Variants in KIF13A observed in about 807,000 individuals in gnomAD.
KIF13A encodes the protein kinesin-like protein KIF13A.
Under a neutral mutation model 212.2 loss-of-function variants are expected in KIF13A, and 79 were observed. The observed-to-expected ratio is 0.37, with a 90% CI of 0.31 to 0.45. KIF13A has a LOEUF of 0.45. Among genes scored for constraint, KIF13A ranks in the 20% least tolerant of loss-of-function variants. The pLI is 1.00. For synonymous variants in KIF13A, 789 were observed against 808.6 expected, an observed-to-expected ratio of 0.98 and a Z score of 0.41; for missense variants, 1,901 against 2,209.0, an observed-to-expected ratio of 0.86 and a Z score of 2.79.
chr6:17,864,771 A>C (rs1342634184), intron 4 of KIF13A, among the ~76,000 whole-genome samples: 1 of 152,204 alleles, frequency 6.6e-6, no homozygotes, highest in Non-Finnish European at 1.5e-5. Flanking sequence ...TGCTGGAATT[A>C]TAGTCATTGT....
At position 17,855,359 on chromosome 6, in the gene KIF13A, T is replaced by C; in HGVS notation, c.494+78A>G. 8.9e-7 allele frequency: 1 copy of C among 1,117,772 alleles called. No individual in the cohort carries two copies. The highest frequency in any genetic ancestry group is 1.3e-6 in the Non-Finnish European group (1 of 777,422). The allele number at this position is 1,117,772 out of a possible 1,614,324, so 69.2% of individuals were successfully genotyped here. On this transcript the variant is annotated intron_variant, in intron 6 of 38. Coordinates refer to ENST00000259711, the MANE Select transcript of KIF13A (RefSeq NM_022113.6). The surrounding 1 kb of genome is among the most constrained non-coding windows in gnomAD (Gnocchi z 4.1). ...TCACCAAGAGCTTAAATACGTATATTCACTTCCAATTTTAACTTTAGAATC... is the reference window on the plus strand; with the variant it reads ...TCACCAAGAGCTTAAATACGTATATCCACTTCCAATTTTAACTTTAGAATC...
chr6:17,817,376 C>T (rs1764042497), intron 16 of KIF13A, 143 bp from the exon 17 acceptor site: 2 of 668,200 alleles, frequency 3.0e-6, no homozygotes, highest in Admixed American at 5.6e-5. Flanking sequence ...TGAGGGGCCA[C>T]ATCAGGGAAA....
In KIF13A at chr6:17,856,591, A is replaced by G. The variant is rs539436576; in HGVS notation, c.221-469T>C. ...AAAAACCGTTAGTTGCTGAGGATGG[A>G]TTGACAACTTCAGCTGCTGTTTGTA... On this transcript the variant is annotated intron_variant, in intron 4 of 38. Coordinates refer to ENST00000259711, the MANE Select transcript of KIF13A (RefSeq NM_022113.6). This position sits in a 1 kb window ranked among gnomAD's most constrained non-coding sequence, Gnocchi z 4.5. Among the ~76,000 whole-genome samples the G allele has an allele frequency of 5.9e-5, 9 of 152,286 alleles. No individual in the cohort carries two copies. In the East Asian group the frequency reaches 1.5e-3, roughly 26 times the overall value.
At chr6:17,868,568 G>C (rs759990087) in intron 4 of KIF13A, among the ~76,000 whole-genome samples, 4 of 148,454 alleles carry the variant, frequency 2.7e-5, no homozygotes, top group Non-Finnish European at 5.9e-5. Flanking sequence ...TTTTTCATTA[G>C]CCCTTACACA....
intron 2 of KIF13A, among the ~76,000 whole-genome samples, chr6:17,980,915 A>G (rs867028064): frequency 6.6e-6 from 1 of 152,144 alleles, no homozygotes; most frequent in Non-Finnish European, 1.5e-5. Context: ...GAGCAAATAA[A>G]AACCAAGCAT....
intron 13 of KIF13A, among the ~76,000 whole-genome samples, chr6:17,830,206 AG>A (rs1268278764): frequency 6.6e-6 from 1 of 152,208 alleles, no homozygotes; most frequent in Non-Finnish European, 1.5e-5. Flanking sequence ...AGAACCTTTC[AG>A]GAGGCCTATG....
chr6:17,937,132 G>A lies in KIF13A; in HGVS notation c.147-38952C>T, dbSNP rs140625408. Among the ~76,000 whole-genome samples the A allele has an allele frequency of 2.4e-4, 37 of 152,240 alleles. No individual in the cohort carries two copies. The East Asian group carries it at 5.0e-3, about 21-fold the overall frequency. Reference sequence around the variant, plus strand: ...AGTTGAGGCTGCAGTGAGCTCAACCGCAGTCACTGCACTCTAGCCTGGGCG... The same window carrying A: ...AGTTGAGGCTGCAGTGAGCTCAACCACAGTCACTGCACTCTAGCCTGGGCG... On this transcript the variant is annotated intron_variant, in intron 2 of 38. Coordinates refer to ENST00000259711, the MANE Select transcript of KIF13A (RefSeq NM_022113.6).
Position 17,951,262 on chromosome 6 carries a change from G to A in KIF13A, c.146+35792C>T, listed in dbSNP as rs1312404875. On this transcript the variant is annotated intron_variant, in intron 2 of 38. Coordinates refer to ENST00000259711, the MANE Select transcript of KIF13A (RefSeq NM_022113.6). The surrounding 1 kb of genome is among the most constrained non-coding windows in gnomAD (Gnocchi z 4.9). ...CCTGCCTCAGTCTCCTGAGTAGCTG[G>A]GACCACAGGTATGCGCCACCACGTC... The A allele has an allele frequency of 4.8e-6, 3 of 631,114 alleles. No homozygotes were observed. Among genetic ancestry groups the A allele is most frequent in the Non-Finnish European group, 7.6e-6 (3 of 397,036 alleles). The allele number at this position is 631,114 out of a possible 1,614,324, so 39.1% of individuals were successfully genotyped here.
chr6:17,874,064 G>A (rs962718089), intron 3 of KIF13A, among the ~76,000 whole-genome samples: 8 of 151,966 alleles, frequency 5.3e-5, no homozygotes, highest in Admixed American at 3.3e-4. Context: ...ATCTTCTCTC[G>A]CAAGTCCATG....
intron 2 of KIF13A, among the ~76,000 whole-genome samples, chr6:17,972,736 T>G (rs1056643539): frequency 6.7e-6 from 1 of 150,098 alleles, no homozygotes; most frequent in Non-Finnish European, 1.5e-5. Context: ...GTCTAGGGAG[T>G]GTCTCCCCAA....
At chr6:17,929,420 A>G (rs1162354121) in intron 2 of KIF13A, among the ~76,000 whole-genome samples, 1 of 73,902 alleles carries the variant, frequency 1.4e-5, no homozygotes. Context: ...TTTTTTTTTG[A>G]GACAGAGTCT....
chr6:17,804,129 G>C (rs545839904), intron 20 of KIF13A, among the ~76,000 whole-genome samples: 39 of 146,830 alleles, frequency 2.7e-4, no homozygotes, highest in African/African-American at 7.8e-4. Context: ...TCCAGCCTGG[G>C]CGACAGAGTG....
intron 28 of KIF13A, among the ~76,000 whole-genome samples, chr6:17,784,814 G>T (rs1760908941): frequency 6.6e-6 from 1 of 152,142 alleles, no homozygotes; most frequent in Non-Finnish European, 1.5e-5. Context: ...GAAACATCAG[G>T]TTATGAATTA....
chr6:17,828,210 A>T lies in KIF13A; in HGVS notation c.1532+30T>A. On this transcript the variant is annotated intron_variant, in intron 14 of 38. Transcript: ENST00000259711. The surrounding 1 kb of genome is among the most constrained non-coding windows in gnomAD (Gnocchi z 4.3). ...TCCTTCTGAAAATAAGGCACACAAG[A>T]CACGTGAAGTCACCATTTACTTTTC... is the stretch of plus-strand genomic sequence containing the variant. 6.2e-7 allele frequency: 1 copy of T among 1,601,624 alleles called. No homozygotes were observed. Among genetic ancestry groups the T allele is most frequent in the South Asian group, 1.1e-5 (1 of 88,890 alleles).
chr6:17,764,932 T>A lies in KIF13A; in HGVS notation c.4596A>T (p.Glu1532Asp), dbSNP rs748462859. 1.2e-6 allele frequency: 2 copies of A among 1,609,158 alleles called. No individual in the cohort carries two copies. The highest frequency in any genetic ancestry group is 8.5e-7 in the Non-Finnish European group (1 of 1,177,452). The part of the protein sequence containing the change: ...KREKKIDSEE[E>D]ENELEAINRK... ...TGTTAATAGCTTCCAGCTCATTTTC[T>A]TCCTCCTCAGAGTCCTATAGAAGTG... Residue 1532 changes from glutamate to aspartate, a missense_variant, in exon 39 of 39, where the codon GAA (glutamate) becomes GAT (aspartate). Coordinates refer to ENST00000259711, the MANE Select transcript of KIF13A (RefSeq NM_022113.6). The surrounding 1 kb of genome is among the most constrained non-coding windows in gnomAD (Gnocchi z 5.1).
Position 17,918,758 on chromosome 6 carries a change from C to T in KIF13A, c.147-20578G>A, listed in dbSNP as rs968627505. Among the ~76,000 whole-genome samples the T allele has an allele frequency of 6.6e-6, 1 of 152,148 alleles. No individual in the cohort carries two copies. Among genetic ancestry groups the T allele is most frequent in the Non-Finnish European group, 1.5e-5 (1 of 68,010 alleles). ...CTCAGAGGAGTGTTCCCCGTACTCC[C>T]TACATTAATGTTGAGGCTGCCTGCA... On this transcript the variant is annotated intron_variant, in intron 2 of 38. Transcript: ENST00000259711. The surrounding 1 kb of genome is among the most constrained non-coding windows in gnomAD (Gnocchi z 4.8).
chr6:17,830,091 C>T (rs575792131), intron 13 of KIF13A, among the ~76,000 whole-genome samples: 2 of 152,236 alleles, frequency 1.3e-5, no homozygotes, highest in East Asian at 3.9e-4. Flanking sequence ...TGCCTTATGT[C>T]AGTCACAGTG....
At chr6:17,887,129 T>C (rs1011070972) in intron 3 of KIF13A, among the ~76,000 whole-genome samples, 2 of 95,890 alleles carry the variant, frequency 2.1e-5, no homozygotes, top group Non-Finnish European at 2.8e-5. Context: ...CAAAGTGACA[T>C]ATGCCAGTCT....
At chr6:17,929,975 G>A (rs188679602) in intron 2 of KIF13A, among the ~76,000 whole-genome samples, 1 of 152,334 alleles carries the variant, frequency 6.6e-6, no homozygotes, top group East Asian at 1.9e-4. Context: ...CAGCTGACAA[G>A]AAGGGCAACT....
Sources: allele counts gnomAD v4.1 joint callset (sites outside exome capture counted in the v4.1 genomes callset), GRCh38; gene constraint gnomAD v4.1.1; non-coding constraint Gnocchi (gnomAD v3.1); transcripts MANE v1.5; gene names NCBI Gene and HGNC (gene_info 2026-07-23, HGNC 2026-07-21).